The following S100Z variants were observed in gnomAD, a reference collection of about 807,000 sequenced individuals.
The protein encoded by S100Z is protein S100-Z.
A neutral mutation model predicts 8.5 loss-of-function variants in S100Z; 11 were observed. The ratio of observed to expected loss-of-function variants is 1.30; its 90% CI spans 0.82 to 2.15. The LOEUF is 2.15. Ranked by LOEUF, S100Z falls within the 30% of genes most tolerant of loss-of-function variation. S100Z has a pLI of 0.00. For missense variants in S100Z, 126 were observed against 117.9 expected (o/e 1.07, Z -0.32); for synonymous variants, 34 against 43.8 (o/e 0.78, Z 0.89).
intron 4 of S100Z, among the ~76,000 whole-genome samples, chr5:76,907,530 C>G (rs1407358611): frequency 1.3e-5 from 2 of 152,166 alleles, no homozygotes; most frequent in African/African-American, 4.8e-5. Context: ...GCCTCGATCT[C>G]CTGACCTCTT....
Position 76,870,156 on chromosome 5 carries a change from T to C in S100Z, c.-175-10T>C, listed in dbSNP as rs565368103. The C allele has an allele frequency of 6.6e-6, 1 of 152,326 alleles. No homozygotes were observed. The highest frequency in any genetic ancestry group is 2.1e-4 in the South Asian group (1 of 4,828). The allele number at this position is 152,326 out of a possible 1,614,324, so 9.4% of individuals were successfully genotyped here. A position where few individuals can be genotyped will look rare whatever the true frequency, so the allele number is the denominator to read the frequency against. On this transcript the variant is annotated splice_polypyrimidine_tract_variant and intron_variant, in intron 1 of 4. Transcript: ENST00000317593. ...GTAAAAAGACGTATTTACTCATTTC[T>C]GCTTGCCAGTGTAATTTCACAAGCC...
At chr5:76,950,129 C>G in the S100Z span, among the ~76,000 whole-genome samples, 1 of 152,142 alleles carries the variant, frequency 6.6e-6, no homozygotes, top group Non-Finnish European at 1.5e-5. Context: ...TATTTTCTAA[C>G]ATTTCAACTA....
intron 4 of S100Z, among the ~76,000 whole-genome samples, chr5:76,894,296 A>G (rs1743960863): frequency 6.6e-6 from 1 of 152,182 alleles, no homozygotes; most frequent in Admixed American, 6.5e-5. Context: ...GACCAAACCA[A>G]TGTATTTCTT....
intron 1 of S100Z, among the ~76,000 whole-genome samples, chr5:76,857,702 T>C (rs1750925628): frequency 6.6e-6 from 1 of 152,114 alleles, no homozygotes. Context: ...GGTTTTGCCA[T>C]GTTGGCCAGG....
At chr5:76,885,329 T>G (rs1743567678) in intron 4 of S100Z, among the ~76,000 whole-genome samples, 1 of 144,566 alleles carries the variant, frequency 6.9e-6, no homozygotes, top group African/African-American at 2.6e-5. Context: ...GGGTGGGAGG[T>G]GCTTGCCCCC....
chr5:76,873,164 C>A (rs1456046246), intron 2 of S100Z, among the ~76,000 whole-genome samples: 1 of 152,002 alleles, frequency 6.6e-6, no homozygotes, highest in East Asian at 1.9e-4. Flanking sequence ...ATGCTTTTAG[C>A]CACCATGATA....
chr5:76,919,907 ATTT>A (rs1184233230), intron 4 of S100Z, among the ~76,000 whole-genome samples: 6 of 122,204 alleles, frequency 4.9e-5, no homozygotes, highest in Admixed American at 8.2e-5. Flanking sequence ...CCCAGCTTTC[ATTT>A]TTTTTTTTTT....
chr5:76,915,339 C>T (rs1291646723), intron 4 of S100Z, among the ~76,000 whole-genome samples: 2 of 144,716 alleles, frequency 1.4e-5, no homozygotes, highest in Non-Finnish European at 3.0e-5. Flanking sequence ...CGTGATGGCT[C>T]ACACCTGTAA....
chr5:76,869,717 A>G (rs1244857479), intron 1 of S100Z, among the ~76,000 whole-genome samples: 1 of 152,128 alleles, frequency 6.6e-6, no homozygotes, highest in African/African-American at 2.4e-5. Flanking sequence ...GGACCAGTTT[A>G]GCTGGTATTT....
At chr5:76,892,548 A>AAGG (rs146681821) in intron 4 of S100Z, among the ~76,000 whole-genome samples, 7,376 of 152,164 alleles carry the variant, frequency 0.048, 498 homozygotes, top group African/African-American at 0.13. Context: ...GCATAACAAA[A>AAGG]AGCACAAAAT....
chr5:76,928,798 C>T, the S100Z span, among the ~76,000 whole-genome samples: 1 of 152,164 alleles, frequency 6.6e-6, no homozygotes, highest in Non-Finnish European at 1.5e-5. Context: ...TGGAGTGCAG[C>T]GCACAATCAC....
intron 4 of S100Z, among the ~76,000 whole-genome samples, chr5:76,878,514 T>G (rs1580013243): frequency 6.6e-6 from 1 of 152,216 alleles, no homozygotes; most frequent in Non-Finnish European, 1.5e-5. Context: ...CACCTTTTCT[T>G]CCTTATCTCA....
At chr5:76,939,517 CT>C in the S100Z span, among the ~76,000 whole-genome samples, 6 of 139,964 alleles carry the variant, frequency 4.3e-5, no homozygotes, top group Admixed American at 2.2e-4. Flanking sequence ...TGGTGTTTAA[CT>C]TTTTTTTTTT....
chr5:76,877,927 T>C lies in S100Z; in HGVS notation c.*2+93T>C, dbSNP rs548594193. On this transcript the variant is annotated intron_variant, in intron 4 of 4. Coordinates refer to ENST00000317593, the MANE Select transcript of S100Z (RefSeq NM_130772.4). The stretch of plus-strand genomic sequence containing the variant: ...GTTCAGATCTATAGACCCAGTAATG[T>C]CATTTATAGCTATAATATCCAGTGC... 5.4e-6 allele frequency: 4 copies of C among 743,348 alleles called. No individual in the cohort carries two copies. In the South Asian group the frequency reaches 7.6e-5, roughly 14 times the overall value. The allele number at this position is 743,348 out of a possible 1,614,324, so 46.0% of individuals were successfully genotyped here.
At position 76,898,933 on chromosome 5, in the gene S100Z, C is replaced by CTTTT. The variant is rs56287065; in HGVS notation, c.*2+21115_*2+21118dup. On this transcript the variant is annotated intron_variant, in intron 4 of 4. Transcript: ENST00000317593. ...CCATTGGGTCCTGGGCTTTTCTTTT[C>CTTTT]TTTTTTTTTTTTTTTTTTTGAGACA... 6.1e-4 allele frequency among the ~76,000 whole-genome samples: 67 copies of CTTTT among 109,938 alleles called. 1 individual carries two copies. Among genetic ancestry groups the CTTTT allele is most frequent in the Non-Finnish European group, 7.1e-4 (40 of 56,724 alleles). The allele number at this position is 109,938 out of a possible 152,430, so 72.1% of individuals were successfully genotyped here.
rs1223561926 is a variant in S100Z, at chr5:76,906,999, TATATATATATATATATATATATATAC to T, written c.*3-13706_*3-13681del. Among the ~76,000 whole-genome samples the T allele has an allele frequency of 5.2e-3, 88 of 16,824 alleles. 1 individual carries two copies. The highest frequency in any genetic ancestry group is 0.011 in the African/African-American group (53 of 4,944). The allele number at this position is 16,824 out of a possible 152,430, so 11.0% of individuals were successfully genotyped here. A position where few individuals can be genotyped will look rare whatever the true frequency, so the allele number is the denominator to read the frequency against. The stretch of plus-strand genomic sequence containing the variant: ...GTGTATATATATATATATATATATA[TATATATATATATATATATATATATAC>T]ATATATATATACCAAATTTTCTTTA... On this transcript the variant is annotated intron_variant, in intron 4 of 4. Coordinates refer to ENST00000317593, the MANE Select transcript of S100Z (RefSeq NM_130772.4).
chr5:76,933,939 G>A, the S100Z span, among the ~76,000 whole-genome samples: 1 of 152,110 alleles, frequency 6.6e-6, no homozygotes, highest in Non-Finnish European at 1.5e-5. Flanking sequence ...TTGTCTCTAT[G>A]AATTTGCCTG....
chr5:76,855,310 C>T (rs1750852094), intron 1 of S100Z, among the ~76,000 whole-genome samples: 1 of 152,162 alleles, frequency 6.6e-6, no homozygotes, highest in Non-Finnish European at 1.5e-5. Context: ...ACAGCTTGTA[C>T]CTTGTGCTTG....
chr5:76,865,238 C>CTATTTTTTTTT (rs1491513943), intron 1 of S100Z, among the ~76,000 whole-genome samples: 1 of 110,652 alleles, frequency 9.0e-6, no homozygotes. Flanking sequence ...TGTGTCCTAG[C>CTATTTTTTTTT]TCTTTTTTTT....
Sources: gnomAD v4.1 joint callset for allele counts (sites outside exome capture counted in the v4.1 genomes callset) on GRCh38, gnomAD v4.1.1 for gene constraint, MANE v1.5 for transcripts, NCBI Gene and HGNC (gene_info 2026-07-23, HGNC 2026-07-21) for gene names.